Variants in NID1 observed in about 807,000 individuals in gnomAD.
The protein encoded by NID1 is nidogen 1.
NID1 carries 76 observed loss-of-function variants against 130.6 expected under a neutral mutation model. The ratio of observed to expected loss-of-function variants is 0.58; its 90% CI spans 0.48 to 0.70. The LOEUF (loss-of-function observed/expected upper bound fraction) is 0.70. NID1 is among the 30% of genes least tolerant of loss of function. The pLI is 0.00. For synonymous variants in NID1, 665 were observed against 675.1 expected, an observed-to-expected ratio of 0.98 and a Z score of 0.23; for missense variants, 1,517 against 1,664.8, an observed-to-expected ratio of 0.91 and a Z score of 1.54.
intron 13 of NID1, among the ~76,000 whole-genome samples, chr1:235,992,989 A>C (rs1657801084): frequency 6.6e-6 from 1 of 151,718 alleles, no homozygotes; most frequent in South Asian, 2.1e-4. Flanking sequence ...GGGGACGCTG[A>C]GGCTGGGGAA....
At chr1:236,000,918 C>G (rs990144657) in intron 12 of NID1, among the ~76,000 whole-genome samples, 1 of 152,104 alleles carries the variant, frequency 6.6e-6, no homozygotes, top group African/African-American at 2.4e-5. Flanking sequence ...CCATGGGCTA[C>G]TCAGAATGGA....
At chr1:236,032,324 C>A in intron 6 of NID1, 77 bp downstream of exon 6, 1 of 1,543,524 alleles carries the variant, frequency 6.5e-7, no homozygotes, top group South Asian at 1.2e-5. Context: ...ACTCAGAGTT[C>A]TCCTTCCATC....
rs1657436712 is a variant in NID1 at position 235,981,549 on chromosome 1, A to G, written c.3227+62T>C. 1.5e-5 allele frequency: 23 copies of G among 1,527,546 alleles called. No homozygotes were observed. In the Middle Eastern group the frequency reaches 5.2e-4, roughly 35 times the overall value. 94.6% of individuals were successfully genotyped at this position (1,527,546 alleles called of 1,614,324 possible). On this transcript the variant is annotated intron_variant, in intron 16 of 19. Transcript: ENST00000264187. ...TGCTGGAGTTAAAGCCTCACATCTG[A>G]GAATCTCTAAAAGGGCAGATGCAAA...
At chr1:236,052,402 C>A (rs943139429) in intron 1 of NID1, among the ~76,000 whole-genome samples, 1 of 152,142 alleles carries the variant, frequency 6.6e-6, no homozygotes, top group Non-Finnish European at 1.5e-5. Context: ...GGCACTGGGC[C>A]GGGGAGTCCT....
chr1:236,016,545 A>G (rs887941753), intron 10 of NID1, among the ~76,000 whole-genome samples: 5 of 152,210 alleles, frequency 3.3e-5, no homozygotes, highest in Non-Finnish European at 5.9e-5. Context: ...GGAAGAATTT[A>G]AACAATCTGG....
In NID1 at chr1:235,981,801, C is replaced by T. The variant is rs985903548; in HGVS notation, c.3056-19G>A. On this transcript the variant is annotated intron_variant, in intron 15 of 19. Transcript: ENST00000264187. The stretch of plus-strand genomic sequence containing the variant: ...CCAAGATCTAGAAGTAAACACAGAG[C>T]TCCTCTAATTTTTTTTGTTTTCTAA... 2.5e-6 allele frequency: 4 copies of T among 1,574,074 alleles called. No individual in the cohort carries two copies. Among genetic ancestry groups the T allele is most frequent in the East Asian group, 4.5e-5 (2 of 44,092 alleles).
At position 236,025,927 on chromosome 1, in the gene NID1, A is replaced by G. The variant is rs1572603700; in HGVS notation, c.1953T>C (p.Tyr651=). 4 of 1,613,936 alleles carry G rather than the reference A, an allele frequency of 2.5e-6. No homozygotes were observed. Among genetic ancestry groups the G allele is most frequent in the African/African-American group, 2.7e-5 (2 of 74,950 alleles). The change falls in exon 8 of 20, where the codon TAT becomes TAC. Residue 651 remains tyrosine, a synonymous_variant. Coordinates refer to ENST00000264187, the MANE Select transcript of NID1 (RefSeq NM_002508.3). ...LYNQEEKILR[Y]ALSNSIGPVR... ...CAGGCCCAATGGAGTTGCTGAGAGCATAGCGCAAGATCTTCTCCTCCTGGT... is the reference window on the plus strand; with the variant it reads ...CAGGCCCAATGGAGTTGCTGAGAGCGTAGCGCAAGATCTTCTCCTCCTGGT...
intron 7 of NID1, among the ~76,000 whole-genome samples, chr1:236,028,258 A>C (rs75107601): frequency 0.02 from 2,997 of 152,326 alleles, 93 homozygotes; most frequent in African/African-American, 0.066. Flanking sequence ...CATTAACTGA[A>C]AAGGTGAAGA....
At chr1:236,037,484 C>T (rs1659293729) in intron 5 of NID1, among the ~76,000 whole-genome samples, 1 of 152,134 alleles carries the variant, frequency 6.6e-6, no homozygotes, top group Middle Eastern at 3.4e-3. Context: ...ATGGAGAAAC[C>T]CCATCTCTAT....
intron 1 of NID1, among the ~76,000 whole-genome samples, chr1:236,063,172 A>AT (rs1431152466): frequency 6.7e-6 from 1 of 148,654 alleles, no homozygotes; most frequent in African/African-American, 2.5e-5. Context: ...AAAAAAAAAA[A>AT]AAAGTAAGCA....
intron 9 of NID1, among the ~76,000 whole-genome samples, chr1:236,018,684 T>C (rs567086643): frequency 1.3e-5 from 2 of 152,340 alleles, no homozygotes; most frequent in South Asian, 2.1e-4. Flanking sequence ...GAGATGTGCA[T>C]GAGGAGGGCC....
rs1053475320 is a variant in NID1, at chr1:235,976,439, A to G, written c.*1428T>C. Reference sequence around the variant, plus strand: ...TTGCTGTTCTTAAATTCCTTCCCCTACCACTTCCTCTTGGGCTTTTTTATT... The same window carrying G: ...TTGCTGTTCTTAAATTCCTTCCCCTGCCACTTCCTCTTGGGCTTTTTTATT... On this transcript the variant is annotated 3_prime_UTR_variant, in exon 20 of 20. Transcript: ENST00000264187. 1.3e-5 allele frequency: 2 copies of G among 152,028 alleles called. No individual in the cohort carries two copies. The highest frequency in any genetic ancestry group is 2.9e-5 in the Non-Finnish European group (2 of 67,996). 9.4% of individuals were successfully genotyped at this position (152,028 alleles called of 1,614,324 possible).
At chr1:236,017,569 A>G (rs1217190771) in intron 9 of NID1, among the ~76,000 whole-genome samples, 1 of 137,556 alleles carries the variant, frequency 7.3e-6, no homozygotes, top group Non-Finnish European at 1.7e-5. Flanking sequence ...TATTTTTAGT[A>G]GAGATGAGGT....
chr1:236,021,268 C>T (rs1326545827), intron 9 of NID1, among the ~76,000 whole-genome samples: 1 of 152,228 alleles, frequency 6.6e-6, no homozygotes, highest in East Asian at 1.9e-4. Flanking sequence ...GCAGGAAATA[C>T]TGGGAAACTG....
At chr1:236,041,406 T>TA (rs1009647109) in intron 4 of NID1, among the ~76,000 whole-genome samples, 42 of 152,226 alleles carry the variant, frequency 2.8e-4, no homozygotes, top group African/African-American at 1.0e-3. Context: ...TATATATATA[T>TA]TTTTTAATCT....
chr1:236,041,789 C>T, intron 4 of NID1, 121 bp downstream of exon 4: 1 of 1,308,526 alleles, frequency 7.6e-7, no homozygotes, highest in Non-Finnish European at 1.0e-6. Context: ...CTCTACTTTC[C>T]CAAGCTCTTA....
At chr1:236,050,291 C>T (rs1361160699) in intron 1 of NID1, among the ~76,000 whole-genome samples, 4 of 152,262 alleles carry the variant, frequency 2.6e-5, no homozygotes, top group Middle Eastern at 3.4e-3. Flanking sequence ...TGGTGGCTCA[C>T]GCCTGTAATC....
chr1:235,998,214 C>T (rs1025436423), intron 12 of NID1, among the ~76,000 whole-genome samples: 11 of 152,270 alleles, frequency 7.2e-5, no homozygotes, highest in Admixed American at 6.5e-4. Flanking sequence ...TGGTTGCTCC[C>T]TTGGTGAGAA....
In NID1 at chr1:236,026,129, G is replaced by T; in HGVS notation, c.1751C>A (p.Ser584Tyr). The change falls in exon 8 of 20, where the codon TCC becomes TAC. Residue 584 changes from serine (S) to tyrosine (Y), a missense_variant. By Grantham distance (144) the Ser-to-Tyr change is moderately radical. This residue lies in a region of NID1 where 1,329 missense variants were observed against 1,429.2 expected (regional missense o/e 0.93). Transcript: ENST00000264187. Reference sequence around the variant, plus strand: ...AGTCACCGTGTACTCCCGGGTGGAGGAGGAAGTGATCACTGCAGAGTGGGA... The same window carrying T: ...AGTCACCGTGTACTCCCGGGTGGAGTAGGAAGTGATCACTGCAGAGTGGGA... ...YHYSTSVITS[S>Y]STREYTVTEP... is the part of the protein sequence containing the mutation. 1 of 1,613,802 alleles carries T rather than the reference G, an allele frequency of 6.2e-7. No individual in the cohort carries two copies. Among genetic ancestry groups the T allele is most frequent in the South Asian group, 1.1e-5 (1 of 91,028 alleles).
Sources: allele counts gnomAD v4.1 joint callset (sites outside exome capture counted in the v4.1 genomes callset), GRCh38; gene constraint gnomAD v4.1.1; regional missense constraint gnomAD v4.1.1; transcripts MANE v1.5; gene names NCBI Gene and HGNC (gene_info 2026-07-23, HGNC 2026-07-21).